EML6: variants seen among roughly 807,000 people sequenced by gnomAD.
The protein encoded by EML6 is echinoderm microtubule-associated protein-like 6.
A neutral mutation model predicts 240.1 loss-of-function variants in EML6; 154 were observed. The observed-to-expected ratio is 0.64, with a 90% CI of 0.56 to 0.73. The LOEUF (loss-of-function observed/expected upper bound fraction) is 0.73. Ranked by LOEUF, EML6 falls within the 30% of genes least tolerant of loss-of-function variation. The pLI is 0.00. For missense variants in EML6, 2,964 were observed against 2,474.6 expected (o/e 1.20, Z -4.20); for synonymous variants, 1,148 against 899.0 (o/e 1.28, Z -4.95).
At chr2:54,870,434 A>G (rs1199952547) in intron 15 of EML6, among the ~76,000 whole-genome samples, 1 of 152,054 alleles carries the variant, frequency 6.6e-6, no homozygotes, top group Non-Finnish European at 1.5e-5. Flanking sequence ...AAAAGGATCC[A>G]CAGCTTTTAA....
intron 7 of EML6, among the ~76,000 whole-genome samples, chr2:54,837,146 C>T (rs1433156435): frequency 6.6e-6 from 1 of 152,232 alleles, no homozygotes; most frequent in African/African-American, 2.4e-5. Flanking sequence ...CCTGGTTTTG[C>T]ATCCTTAATA....
At chr2:54,756,282 C>A (rs932281146) in intron 2 of EML6, among the ~76,000 whole-genome samples, 1 of 152,166 alleles carries the variant, frequency 6.6e-6, no homozygotes, top group African/African-American at 2.4e-5. Context: ...TTGGTTTGTT[C>A]ATCAGTGTCT....
At chr2:54,879,377 G>A (rs1299814417) in intron 16 of EML6, among the ~76,000 whole-genome samples, 170 bp from the exon 17 acceptor site, 1 of 152,184 alleles carries the variant, frequency 6.6e-6, no homozygotes, top group Non-Finnish European at 1.5e-5. Context: ...AGTATAGTGT[G>A]ATGTTTCAGT....
chr2:54,945,795 T>A (rs1052164195), intron 28 of EML6, among the ~76,000 whole-genome samples: 4 of 152,234 alleles, frequency 2.6e-5, no homozygotes, highest in Non-Finnish European at 5.9e-5. Context: ...CAAGAGCCCG[T>A]GTCAGGATAA....
intron 36 of EML6, 53 bp downstream of exon 36, chr2:54,962,764 T>C (rs768219784): frequency 1.4e-6 from 2 of 1,392,474 alleles, no homozygotes; most frequent in Non-Finnish European, 1.9e-6. Flanking sequence ...TGCGCGGCAG[T>C]GGGAGCTGAG....
In EML6 at chr2:54,903,420, T is replaced by G; in HGVS notation, c.3327T>G (p.Ile1109Met). 6.4e-7 allele frequency: 1 copy of G among 1,551,854 alleles called. No homozygotes were observed. The highest frequency in any genetic ancestry group is 1.2e-5 in the South Asian group (1 of 84,064). Residue 1109 changes from isoleucine to methionine, a missense_variant, in exon 24 of 42, where the codon ATT becomes ATG. Physicochemically the swap from Ile to Met is conservative, Grantham distance 10 (BLOSUM62 1). Transcript: ENST00000356458. The stretch of plus-strand genomic sequence containing the variant: ...CATCCCATGATAACTTTGTGGATAT[T>G]TACAACGTACTTACAAGCAAAAGGG... ...AVASHDNFVD[I>M]YNVLTSKRVG... is the part of the protein sequence containing the mutation.
intron 7 of EML6, among the ~76,000 whole-genome samples, chr2:54,842,731 C>T (rs1275172445): frequency 6.6e-6 from 1 of 152,152 alleles, no homozygotes; most frequent in Non-Finnish European, 1.5e-5. Flanking sequence ...AGGAACAGAA[C>T]AGACTGCAAA....
Position 54,970,370 on chromosome 2 carries a change from CAAAG to C in EML6, c.*279_*282del, listed in dbSNP as rs1182041475. 9 of 415,338 alleles carry C rather than the reference CAAAG, an allele frequency of 2.2e-5. No individual in the cohort carries two copies. Among genetic ancestry groups the C allele is most frequent in the African/African-American group, 9.8e-5 (5 of 51,080 alleles). 25.7% of individuals were successfully genotyped at this position (415,338 alleles called of 1,614,324 possible). A position where few individuals can be genotyped will look rare whatever the true frequency, so the allele number is the denominator to read the frequency against. On this transcript the variant is annotated 3_prime_UTR_variant, in exon 42 of 42. Coordinates refer to ENST00000356458, the MANE Select transcript of EML6 (RefSeq NM_001039753.4). ...ACAGTATACATACTAACTACATTGA[CAAAG>C]AAATCCTATCTGATAATGTAGCCCG...
intron 11 of EML6, 96 bp downstream of exon 11, chr2:54,853,951 C>T (rs1182552976): frequency 3.2e-5 from 21 of 650,626 alleles, no homozygotes; most frequent in South Asian, 1.3e-4. Flanking sequence ...TTCCAATGCA[C>T]TGTTTATTTT....
intron 7 of EML6, among the ~76,000 whole-genome samples, chr2:54,841,371 T>A (rs1222471398): frequency 6.6e-6 from 1 of 152,198 alleles, no homozygotes; most frequent in African/African-American, 2.4e-5. Context: ...TAGCAATGAA[T>A]TCAGAGGAAG....
At chr2:54,838,991 A>G (rs1011060513) in intron 7 of EML6, among the ~76,000 whole-genome samples, 2 of 152,188 alleles carry the variant, frequency 1.3e-5, no homozygotes, top group African/African-American at 4.8e-5. Flanking sequence ...ACTAGCTTAT[A>G]TTTCTCTGAC....
At chr2:54,876,644 C>G (rs1671521911) in intron 16 of EML6, among the ~76,000 whole-genome samples, 1 of 152,118 alleles carries the variant, frequency 6.6e-6, no homozygotes, top group Non-Finnish European at 1.5e-5. Flanking sequence ...TCAATGAATG[C>G]AACAAGACAT....
At chr2:54,743,470 A>AT (rs1477286110) in intron 2 of EML6, among the ~76,000 whole-genome samples, 1 of 152,202 alleles carries the variant, frequency 6.6e-6, no homozygotes, top group African/African-American at 2.4e-5. Context: ...ATATATATGC[A>AT]TTTTTCCCTG....
Position 54,970,101 on chromosome 2 carries a change from C to T in EML6, c.*6C>T, listed in dbSNP as rs775098788. 3 of 1,551,636 alleles carry T rather than the reference C, an allele frequency of 1.9e-6. No individual in the cohort carries two copies. Among genetic ancestry groups the T allele is most frequent in the East Asian group, 2.4e-5 (1 of 40,920 alleles). On this transcript the variant is annotated 3_prime_UTR_variant, in exon 42 of 42. Transcript: ENST00000356458. Reference sequence around the variant, plus strand: ...TTGTGTGGCGATGTCTGTAAAATGCCAGAAGCCTCTTATGTTATTGCTGCT... The same window carrying T: ...TTGTGTGGCGATGTCTGTAAAATGCTAGAAGCCTCTTATGTTATTGCTGCT...
rs770580861 is a variant in EML6 at position 54,964,588 on chromosome 2, G to A, written c.5348G>A (p.Arg1783Gln). The A allele has an allele frequency of 1.0e-5, 16 of 1,552,206 alleles. No individual in the cohort carries two copies. The Admixed American group carries it at 1.6e-4, about 15-fold the overall frequency. ...IQDIRISPDN[R>Q]FLAVGSSEHT... The stretch of plus-strand genomic sequence containing the variant: ...TTTTCTAGAATCAGCCCAGACAACC[G>A]ATTCTTAGCCGTTGGTTCTTCTGAA... The change falls in exon 38 of 42, where the codon CGA (arginine) becomes CAA (glutamine). Residue 1783 changes from arginine (R) to glutamine (Q), a missense_variant. By Grantham distance (43) the Arg-to-Gln change is conservative (BLOSUM62 1). Coordinates refer to ENST00000356458, the MANE Select transcript of EML6 (RefSeq NM_001039753.4).
intron 13 of EML6, among the ~76,000 whole-genome samples, chr2:54,864,478 A>G (rs757382954): frequency 1.4e-4 from 21 of 152,216 alleles, no homozygotes; most frequent in East Asian, 3.8e-4. Flanking sequence ...TTAGCACTAA[A>G]CAGTGTTAAA....
chr2:54,850,922 C>G (rs772257107), intron 10 of EML6, among the ~76,000 whole-genome samples: 1 of 152,162 alleles, frequency 6.6e-6, no homozygotes, highest in Non-Finnish European at 1.5e-5. Context: ...CAAAAATATG[C>G]TGAGCAAACA....
intron 28 of EML6, among the ~76,000 whole-genome samples, chr2:54,936,251 G>A (rs1675128221): frequency 6.6e-6 from 1 of 152,214 alleles, no homozygotes; most frequent in Non-Finnish European, 1.5e-5. Context: ...TAATTGATAT[G>A]TAGCATCTAA....
At chr2:54,914,936 T>C (rs1250620923) in intron 25 of EML6, among the ~76,000 whole-genome samples, 1 of 152,208 alleles carries the variant, frequency 6.6e-6, no homozygotes, top group Non-Finnish European at 1.5e-5. Context: ...GCAAACTCTC[T>C]GGAGCAAACC....
Sources: gnomAD v4.1 joint callset for allele counts (sites outside exome capture counted in the v4.1 genomes callset) on GRCh38, gnomAD v4.1.1 for gene constraint, MANE v1.5 for transcripts, NCBI Gene and HGNC (gene_info 2026-07-23, HGNC 2026-07-21) for gene names.